The following CSDE1 variants were observed in gnomAD, a reference collection of about 807,000 sequenced individuals.
The protein encoded by CSDE1 is cold shock domain-containing protein E1.
In CSDE1, 17 loss-of-function variants were observed where a neutral mutation model predicts 89.3. The observed-to-expected ratio is 0.19, with a 90% CI of 0.13 to 0.29. The LOEUF is 0.29. Ranked by LOEUF, CSDE1 falls within the 10% of genes least tolerant of loss-of-function variation. The pLI, the probability that CSDE1 is intolerant of heterozygous loss-of-function variation, is 1.00. For synonymous variants in CSDE1, 322 were observed against 332.8 expected, an observed-to-expected ratio of 0.97 and a Z score of 0.35; for missense variants, 672 against 984.2, an observed-to-expected ratio of 0.68 and a Z score of 4.24.
At chr1:114,733,297 G>A (rs1032370143) in intron 9 of CSDE1, among the ~76,000 whole-genome samples, 1 of 152,162 alleles carries the variant, frequency 6.6e-6, no homozygotes, top group African/African-American at 2.4e-5. Context: ...GGAGGCCAAG[G>A]TGGACAGATC....
At chr1:114,756,298 C>T (rs1246909879) in intron 1 of CSDE1, among the ~76,000 whole-genome samples, 4 of 152,180 alleles carry the variant, frequency 2.6e-5, no homozygotes, top group Admixed American at 2.0e-4. Flanking sequence ...CTATTACCTT[C>T]TCTTTTATTT....
In CSDE1 at chr1:114,733,794, T is replaced by C; in HGVS notation, c.775A>G (p.Ser259Gly). The change falls in exon 9 of 20, where the codon AGC (serine) becomes GGC (glycine). Residue 259 changes from serine (S) to glycine (G), a missense_variant. Transcript: ENST00000358528. ...PQGTVIFEDI[S>G]IEHFEGTVTK... Reference sequence around the variant, plus strand: ...ACAGTTCCTTCAAAATGTTCAATGCTGATATCTTCAAAAATGACTGTTCCT... The same window carrying C: ...ACAGTTCCTTCAAAATGTTCAATGCCGATATCTTCAAAAATGACTGTTCCT... The C allele has an allele frequency of 6.2e-7, 1 of 1,614,004 alleles. No homozygotes were observed. Among genetic ancestry groups the C allele is most frequent in the Middle Eastern group, 1.7e-4 (1 of 6,060 alleles).
At position 114,725,336 on chromosome 1, in the gene CSDE1, A is replaced by G; in HGVS notation, c.1641-3T>C. 1 of 1,607,566 alleles carries G rather than the reference A, an allele frequency of 6.2e-7. No individual in the cohort carries two copies. Among genetic ancestry groups the G allele is most frequent in the Non-Finnish European group, 8.5e-7 (1 of 1,174,086 alleles). Reference sequence around the variant, plus strand: ...TATCAACATCACCAGAGAACTCACTAAGGAGAAAGGAAATGACATTTAACT... The same window carrying G: ...TATCAACATCACCAGAGAACTCACTGAGGAGAAAGGAAATGACATTTAACT... On this transcript the variant is annotated splice_polypyrimidine_tract_variant and splice_region_variant and intron_variant, in intron 14 of 19. Transcript: ENST00000358528.
rs1169324633 is a variant in CSDE1 at position 114,737,540 on chromosome 1, G to A, written c.333C>T (p.Asn111=). 4 of 1,613,770 alleles carry A rather than the reference G, an allele frequency of 2.5e-6. No homozygotes were observed. In the African/African-American group the frequency reaches 5.3e-5, roughly 22 times the overall value. The part of the protein sequence containing the change: ...NGQVVCAVPH[N]LESKSPAAPG... ...GGGCAGCTGGAGATTTACTCTCTAA[G>A]TTGTGAGGAACAGCGCACACAACCT... is the stretch of plus-strand genomic sequence containing the variant. Residue 111 remains asparagine (N), a synonymous_variant, in exon 5 of 20, where the codon AAC becomes AAT. Transcript: ENST00000358528.
In CSDE1 at chr1:114,730,706, A is replaced by G. The variant is rs559778075; in HGVS notation, c.1051-58T>C. The G allele has an allele frequency of 1.2e-5, 19 of 1,589,286 alleles. No homozygotes were observed. In the East Asian group the frequency reaches 4.0e-4, roughly 34 times the overall value. On this transcript the variant is annotated intron_variant, in intron 10 of 19. Transcript: ENST00000358528. ...AAACTTGTCAAGAAGGCAACATTCA[A>G]CTTTACAACCACCATCAAGTTAAAT...
In CSDE1 at chr1:114,732,776, A is replaced by T; in HGVS notation, c.878T>A (p.Ile293Asn). 1.9e-6 allele frequency: 3 copies of T among 1,614,220 alleles called. No individual in the cohort carries two copies. Among genetic ancestry groups the T allele is most frequent in the Non-Finnish European group, 2.5e-6 (3 of 1,180,038 alleles). The change falls in exon 10 of 20, where the codon ATC (isoleucine) becomes AAC (asparagine). Residue 293 changes from isoleucine to asparagine, a missense_variant. Coordinates refer to ENST00000358528, the MANE Select transcript of CSDE1 (RefSeq NM_001007553.3). ...GTCTCCAAAGGGAAGTTCTTTAGGG[A>T]TCACAAAGTCAACTTTGATGCGTCC... Reference protein sequence around the residue: ...LPGRIKVDFVIPKELPFGDKD... With the variant: ...LPGRIKVDFVNPKELPFGDKD...
Position 114,725,288 on chromosome 1 carries a change from G to A in CSDE1, c.1686C>T (p.Val562=), listed in dbSNP as rs867444013. The change falls in exon 15 of 20, where the codon GTC becomes GTT. Residue 562 remains valine, a synonymous_variant. Transcript: ENST00000358528. The stretch of plus-strand genomic sequence containing the variant: ...CTTTGCCTTTGGACAAGCTATACTC[G>A]ACCATGTCCCCCAGTTCCAGGCTAT... ...DVDSLELGDM[V]EYSLSKGKGN... is the part of the protein sequence containing the mutation. 1 of 1,614,032 alleles carries A rather than the reference G, an allele frequency of 6.2e-7. No homozygotes were observed. The highest frequency in any genetic ancestry group is 1.6e-4 in the Middle Eastern group (1 of 6,062).
At chr1:114,720,442 G>A in intron 17 of CSDE1, 97 bp downstream of exon 17, 1 of 1,167,374 alleles carries the variant, frequency 8.6e-7, no homozygotes, top group Non-Finnish European at 1.2e-6. Context: ...AAAAACGAAT[G>A]AATGTTGATG....
At chr1:114,734,564 G>C (rs766764409) in intron 6 of CSDE1, 41 bp from the exon 7 acceptor site, 1 of 1,519,622 alleles carries the variant, frequency 6.6e-7, no homozygotes, top group Non-Finnish European at 9.1e-7. Context: ...ATGAAACAGG[G>C]ATTAAAAATG....
At chr1:114,740,037 A>G in intron 2 of CSDE1, 147 bp from the exon 3 acceptor site, 1 of 601,904 alleles carries the variant, frequency 1.7e-6, no homozygotes, top group Non-Finnish European at 2.9e-6. Context: ...TTACTGCAGC[A>G]TTAATTTAGC....
chr1:114,718,884 G>C, intron 18 of CSDE1, 139 bp from the exon 19 acceptor site: 3 of 865,376 alleles, frequency 3.5e-6, no homozygotes, highest in Non-Finnish European at 5.2e-6. Flanking sequence ...TACCTAGCTA[G>C]AAAGACAGGA....
intron 2 of CSDE1, chr1:114,741,551 C>CTTT: frequency 6.4e-7 from 1 of 1,550,758 alleles, no homozygotes; most frequent in Non-Finnish European, 8.7e-7. Context: ...TTGGGGTCCT[C>CTTT]TTTTGTTTTT....
intron 2 of CSDE1, among the ~76,000 whole-genome samples, chr1:114,740,598 C>T (rs1222079951): frequency 1.3e-5 from 2 of 152,200 alleles, no homozygotes; most frequent in African/African-American, 4.8e-5. Flanking sequence ...TCACTTTTTA[C>T]ATACTGATGA....
chr1:114,739,609 T>G, intron 3 of CSDE1, 83 bp downstream of exon 3: 1 of 1,218,762 alleles, frequency 8.2e-7, no homozygotes, highest in East Asian at 2.4e-5. Context: ...TACATAAAAC[T>G]TTTTGAAAAA....
intron 13 of CSDE1, 85 bp from the exon 14 acceptor site, chr1:114,726,471 C>T: frequency 9.5e-7 from 1 of 1,057,216 alleles, no homozygotes; most frequent in Non-Finnish European, 1.3e-6. Context: ...ATAACTCCCC[C>T]AGCGCATGCT....
chr1:114,729,617 T>C (rs988138311), intron 12 of CSDE1, among the ~76,000 whole-genome samples: 2 of 152,136 alleles, frequency 1.3e-5, no homozygotes, highest in Non-Finnish European at 2.9e-5. Context: ...AAGAATGCTC[T>C]TTCCTGTCTC....
chr1:114,725,223 G>A lies in CSDE1; in HGVS notation c.1751C>T (p.Ser584Leu). 1.2e-6 allele frequency: 2 copies of A among 1,612,638 alleles called. No individual in the cohort carries two copies. Among genetic ancestry groups the A allele is most frequent in the Non-Finnish European group, 1.7e-6 (2 of 1,178,618 alleles). ...AATAAGAAGTCACAATTTATTACCT[G>A]AGTGTGTTTTGTTCACTTTTTCTGC... ...VSAEKVNKTH[S>L]VNGITEEADP... Residue 584 changes from serine to leucine, a missense_variant and splice_region_variant, in exon 15 of 20, where the codon TCA becomes TTA. Physicochemically the swap from Ser to Leu is moderately radical, Grantham distance 145. Around this residue, in one of 8 missense-constraint regions of CSDE1, gnomAD observed 206 missense variants for 332.4 expected, o/e 0.62. Coordinates refer to ENST00000358528, the MANE Select transcript of CSDE1 (RefSeq NM_001007553.3).
At chr1:114,734,758 T>C (rs959834492) in intron 6 of CSDE1, among the ~76,000 whole-genome samples, 20 of 152,222 alleles carry the variant, frequency 1.3e-4, no homozygotes, top group African/African-American at 4.6e-4. Context: ...CATCTTTCTC[T>C]GGGACTGTTG....
chr1:114,748,372 G>A (rs1032287864), intron 2 of CSDE1: 2 of 152,110 alleles, frequency 1.3e-5, no homozygotes, highest in Non-Finnish European at 2.9e-5. Context: ...ATACACTGAT[G>A]ACTCCTTTCT....
Sources: allele counts gnomAD v4.1 joint callset (sites outside exome capture counted in the v4.1 genomes callset), GRCh38; gene constraint gnomAD v4.1.1; regional missense constraint gnomAD v4.1.1; transcripts MANE v1.5; gene names NCBI Gene and HGNC (gene_info 2026-07-23, HGNC 2026-07-21).